MPPED2: variants seen among roughly 807,000 people sequenced by gnomAD.
MPPED2 encodes metallophosphoesterase domain containing 2.
A neutral mutation model predicts 33.0 loss-of-function variants in MPPED2; 5 were observed. That is an observed-to-expected ratio of 0.15 (90% CI 0.08 to 0.32). MPPED2 has a LOEUF of 0.32. Ranked by LOEUF, MPPED2 falls within the 10% of genes least tolerant of loss-of-function variation. The pLI, the probability that MPPED2 is intolerant of heterozygous loss-of-function variation, is 1.00. For missense variants in MPPED2, 275 were observed against 372.1 expected (o/e 0.74, Z 2.15); for synonymous variants, 136 against 141.9 (o/e 0.96, Z 0.29).
chr11:30,495,369 G>A lies in MPPED2; in HGVS notation c.463C>T (p.Leu155Phe), dbSNP rs778293398. ...TGTAAGTAAATACTGTTTGTCAGGAGGGACTGAACATTGTCAAAGTCCTCT... is the reference window on the plus strand; with the variant it reads ...TGTAAGTAAATACTGTTTGTCAGGAAGGACTGAACATTGTCAAAGTCCTCT... ...KPEDFDNVQS[L>F]LTNSIYLQDS... The change falls in exon 4 of 7, where the codon CTC (leucine) becomes TTC (phenylalanine). Residue 155 changes from leucine to phenylalanine, a missense_variant. By Grantham distance (22) the Leu-to-Phe change is conservative. Transcript: ENST00000358117. 3 of 1,614,136 alleles carry A rather than the reference G, an allele frequency of 1.9e-6. No homozygotes were observed. The highest frequency in any genetic ancestry group is 2.5e-6 in the Non-Finnish European group (3 of 1,180,010).
At chr11:30,442,357 CA>C (rs1197342286) in intron 4 of MPPED2, among the ~76,000 whole-genome samples, 1 of 152,114 alleles carries the variant, frequency 6.6e-6, no homozygotes, top group Non-Finnish European at 1.5e-5. Flanking sequence ...AAAGAGTCTA[CA>C]AAAAGCAATA....
intron 4 of MPPED2, among the ~76,000 whole-genome samples, chr11:30,475,014 T>C (rs1420772850): frequency 6.6e-6 from 1 of 152,156 alleles, no homozygotes; most frequent in South Asian, 2.1e-4. Flanking sequence ...TAGCCTTGAA[T>C]GTAAGTTATG....
chr11:30,584,915 T>C (rs1957389572), intron 1 of MPPED2: 1 of 152,278 alleles, frequency 6.6e-6, no homozygotes, highest in African/African-American at 2.4e-5. Flanking sequence ...CCCCGACCTG[T>C]TTGTGTTTGT....
intron 4 of MPPED2, among the ~76,000 whole-genome samples, chr11:30,469,222 TTA>T (rs1950846813): frequency 6.6e-6 from 1 of 152,244 alleles, no homozygotes; most frequent in South Asian, 2.1e-4. Flanking sequence ...TTCACTGACT[TTA>T]TGTGTGTGCA....
intron 4 of MPPED2, chr11:30,452,060 CCACCTCAGCTT>C (rs1950086588): frequency 3.0e-6 from 3 of 985,424 alleles, no homozygotes; most frequent in Non-Finnish European, 3.6e-6. Flanking sequence ...CTGCCCAAAG[CCACCTCAGCTT>C]CACTTGTGGT....
chr11:30,459,429 C>T (rs1404434717), intron 4 of MPPED2, among the ~76,000 whole-genome samples: 1 of 147,370 alleles, frequency 6.8e-6, no homozygotes, highest in Non-Finnish European at 1.5e-5. Flanking sequence ...AATAAGAAAA[C>T]CCACAAACAT....
At chr11:30,387,842 A>G (rs1259936903) in exon 7 of MPPED2, 3 of 152,334 alleles carry the variant, frequency 2.0e-5, no homozygotes, top group African/African-American at 7.2e-5. Context: ...GCAAGTAAAT[A>G]CCCAGACCTG....
At chr11:30,459,149 G>A (rs1950418453) in intron 4 of MPPED2, among the ~76,000 whole-genome samples, 1 of 151,566 alleles carries the variant, frequency 6.6e-6, no homozygotes, top group Non-Finnish European at 1.5e-5. Flanking sequence ...GGATGGTCTC[G>A]ATCTCCTGAC....
At chr11:30,489,910 A>AT (rs11411621) in intron 4 of MPPED2, among the ~76,000 whole-genome samples, 71,324 of 149,008 alleles carry the variant, frequency 0.48, 17,368 homozygotes, top group East Asian at 0.71. Flanking sequence ...TAGTATGTGG[A>AT]TTTTTTTTTT....
chr11:30,450,081 C>CT lies in MPPED2; in HGVS notation c.537-32449dup, dbSNP rs1295863130. 9.8e-5 allele frequency among the ~76,000 whole-genome samples: 15 copies of CT among 152,302 alleles called. No individual in the cohort carries two copies. In the East Asian group the frequency reaches 2.7e-3, roughly 27 times the overall value. Reference sequence around the variant, plus strand: ...TCTGTATGTTTTTTCTCCTACTAACCTTTCTAGTGTCTTTTGAATTCACAG... The same window carrying CT: ...TCTGTATGTTTTTTCTCCTACTAACCTTTTCTAGTGTCTTTTGAATTCACAG... On this transcript the variant is annotated intron_variant, in intron 4 of 6. Coordinates refer to ENST00000358117, the MANE Select transcript of MPPED2 (RefSeq NM_001584.3).
intron 4 of MPPED2, among the ~76,000 whole-genome samples, chr11:30,442,693 T>A (rs540917318): frequency 6.6e-6 from 1 of 152,104 alleles, no homozygotes; most frequent in African/African-American, 2.4e-5. Context: ...TAGGTATCAG[T>A]TGGGGCTCTT....
At chr11:30,418,308 A>G (rs1411944013) in intron 4 of MPPED2, among the ~76,000 whole-genome samples, 1 of 152,218 alleles carries the variant, frequency 6.6e-6, no homozygotes, top group Non-Finnish European at 1.5e-5. Context: ...CTCTCCTGAC[A>G]ATGAACATGA....
chr11:30,542,800 A>G (rs1178858299), intron 2 of MPPED2, among the ~76,000 whole-genome samples: 2 of 152,210 alleles, frequency 1.3e-5, no homozygotes, highest in Non-Finnish European at 2.9e-5. Flanking sequence ...AATCTGAGCC[A>G]TAAGTAGAAC....
rs193064715 is a variant in MPPED2 at position 30,430,917 on chromosome 11, C to A, written c.537-13284G>T. Among the ~76,000 whole-genome samples, 25 of 152,252 alleles carry A rather than the reference C, an allele frequency of 1.6e-4. No homozygotes were observed. The East Asian group carries it at 4.4e-3, about 27-fold the overall frequency. ...CTTCCATTCACCCATCATACATGTG[C>A]AGAACTATGACTTCCCACCAGGTTC... is the stretch of plus-strand genomic sequence containing the variant. On this transcript the variant is annotated intron_variant, in intron 4 of 6. Coordinates refer to ENST00000358117, the MANE Select transcript of MPPED2 (RefSeq NM_001584.3).
chr11:30,558,603 A>G (rs1412690526), intron 2 of MPPED2, among the ~76,000 whole-genome samples: 4 of 146,888 alleles, frequency 2.7e-5, no homozygotes, highest in Non-Finnish European at 4.5e-5. Flanking sequence ...TTAATTTTTG[A>G]TAGAGACAGG....
intron 4 of MPPED2, among the ~76,000 whole-genome samples, chr11:30,466,071 C>T (rs936474852): frequency 6.6e-6 from 1 of 152,164 alleles, no homozygotes; most frequent in African/African-American, 2.4e-5. Context: ...TTGGCCTGTT[C>T]CTTGCTAGAA....
intron 6 of MPPED2, among the ~76,000 whole-genome samples, chr11:30,413,035 G>C (rs1948180057): frequency 6.6e-6 from 1 of 152,072 alleles, no homozygotes; most frequent in Non-Finnish European, 1.5e-5. Context: ...TCCTTTTCAG[G>C]GAGCATAGCT....
intron 4 of MPPED2, among the ~76,000 whole-genome samples, chr11:30,479,805 A>G: frequency 6.6e-6 from 1 of 152,162 alleles, no homozygotes; most frequent in Non-Finnish European, 1.5e-5. Context: ...GCTATGCCTT[A>G]TAAAAGTGCC....
chr11:30,574,409 C>T (rs1956832759), intron 2 of MPPED2, among the ~76,000 whole-genome samples: 2 of 152,110 alleles, frequency 1.3e-5, no homozygotes, highest in Admixed American at 1.3e-4. Flanking sequence ...TAGGTTATAC[C>T]ATCTACGTTT....
Sources: gnomAD v4.1 joint callset for allele counts (sites outside exome capture counted in the v4.1 genomes callset) on GRCh38, gnomAD v4.1.1 for gene constraint, MANE v1.5 for transcripts, NCBI Gene and HGNC (gene_info 2026-07-23, HGNC 2026-07-21) for gene names.